RFX3: variants seen among roughly 807,000 people sequenced by gnomAD.
The protein encoded by RFX3 is transcription factor RFX3.
RFX3 carries 14 observed loss-of-function variants against 98.6 expected under a neutral mutation model. The observed-to-expected ratio is 0.14, with a 90% CI of 0.09 to 0.22. The LOEUF (loss-of-function observed/expected upper bound fraction) is 0.22. RFX3 is among the 10% of genes least tolerant of loss of function. The probability of loss-of-function intolerance (pLI) is 1.00; values close to 1 mark genes in which losing one functional copy is unlikely to be tolerated. For synonymous variants in RFX3, 383 were observed against 328.4 expected (o/e 1.17, Z -1.80); for missense variants, 639 against 926.9 (o/e 0.69, Z 4.03).
In RFX3 at chr9:3,300,007, G is replaced by T. The variant is rs201749746; in HGVS notation, c.549+1539C>A. ...TGAAACAGGTAACTGGAAACTTCAG[G>T]TTTTTTTTTTTCTTATGTCCTTGCA... On this transcript the variant is annotated intron_variant, in intron 5 of 16. Transcript: ENST00000617270. Among the ~76,000 whole-genome samples, 248 of 146,806 alleles carry T rather than the reference G, an allele frequency of 1.7e-3. 1 individual carries two copies. Among genetic ancestry groups the T allele is most frequent in the Non-Finnish European group, 3.0e-3 (198 of 66,078 alleles).
intron 1 of RFX3, among the ~76,000 whole-genome samples, chr9:3,492,587 C>T (rs536796346): frequency 6.6e-6 from 1 of 152,306 alleles, no homozygotes; most frequent in African/African-American, 2.4e-5. Flanking sequence ...AACTCTACGC[C>T]TACAGGGTAG....
chr9:3,316,127 T>A (rs1302788909), intron 4 of RFX3, among the ~76,000 whole-genome samples: 1 of 152,056 alleles, frequency 6.6e-6, no homozygotes, highest in East Asian at 1.9e-4. Context: ...AAATCCTCAA[T>A]AAAATATTGG....
At chr9:3,282,798 A>C (rs892821816) in intron 7 of RFX3, among the ~76,000 whole-genome samples, 3 of 151,834 alleles carry the variant, frequency 2.0e-5, no homozygotes, top group Non-Finnish European at 2.9e-5. Flanking sequence ...AAACAATAAC[A>C]ACAACAAAAA....
intron 4 of RFX3, among the ~76,000 whole-genome samples, chr9:3,306,022 AT>A (rs1330921915): frequency 6.6e-6 from 1 of 152,070 alleles, no homozygotes; most frequent in Non-Finnish European, 1.5e-5. Flanking sequence ...ATTAGGAAAA[AT>A]TTATAAATTC....
rs150301457 is a variant in RFX3 at position 3,504,437 on chromosome 9, T to C, written c.-9+21310A>G. 5.5e-3 allele frequency among the ~76,000 whole-genome samples: 695 copies of C among 126,246 alleles called. 22 individuals carry two copies. Among genetic ancestry groups the C allele is most frequent in the Middle Eastern group, 7.7e-3 (1 of 130 alleles). 82.8% of individuals were successfully genotyped at this position (126,246 alleles called of 152,430 possible). ...ATTATATACCACATAGTATATATTG[T>C]ATATAAAATATATATTATATGCCAT... On this transcript the variant is annotated intron_variant, in intron 1 of 16. Transcript: ENST00000617270.
chr9:3,376,999 C>T (rs540118105), intron 2 of RFX3, among the ~76,000 whole-genome samples: 119 of 152,306 alleles, frequency 7.8e-4, no homozygotes, highest in African/African-American at 2.6e-3. Flanking sequence ...GTTGGTGGGA[C>T]TGTAAGCTAG....
rs145615461 is a variant in RFX3, at chr9:3,273,780, G to A, written c.1086+1720C>T. ...CTGGGGAGGCTGAGGCAGGAGAATC[G>A]CTTGAACCCAGGAGGCGGTGGTTGC... On this transcript the variant is annotated intron_variant, in intron 9 of 16. Transcript: ENST00000617270. 7.4e-3 allele frequency among the ~76,000 whole-genome samples: 1,110 copies of A among 150,318 alleles called. 6 individuals carry two copies. Among genetic ancestry groups the A allele is most frequent in the African/African-American group, 0.026 (1,051 of 40,634 alleles).
chr9:3,442,232 A>G (rs1189658797), intron 1 of RFX3, among the ~76,000 whole-genome samples: 1 of 152,088 alleles, frequency 6.6e-6, no homozygotes, highest in East Asian at 1.9e-4. Context: ...TGACTTTACC[A>G]TAGAGTAACC....
intron 14 of RFX3, among the ~76,000 whole-genome samples, chr9:3,254,583 G>C (rs1164495487): frequency 6.6e-6 from 1 of 151,648 alleles, no homozygotes; most frequent in East Asian, 1.9e-4. Context: ...TGTCGCCCAG[G>C]CTGGAGTGCA....
chr9:3,477,114 T>G (rs1202073155), intron 1 of RFX3, among the ~76,000 whole-genome samples: 2 of 152,162 alleles, frequency 1.3e-5, no homozygotes, highest in African/African-American at 4.8e-5. Flanking sequence ...ACCAAAATTT[T>G]CATTACTTTT....
At chr9:3,250,778 A>AT in intron 14 of RFX3, among the ~76,000 whole-genome samples, 1 of 152,262 alleles carries the variant, frequency 6.6e-6, no homozygotes, top group South Asian at 2.1e-4. Context: ...TGAAGTAGAC[A>AT]TAAGTAGTAA....
intron 7 of RFX3, among the ~76,000 whole-genome samples, chr9:3,286,486 G>A (rs557894691): frequency 3.5e-4 from 53 of 151,794 alleles, no homozygotes; most frequent in African/African-American, 7.2e-4. Flanking sequence ...ACCTTGAACT[G>A]AGTCTTCAGT....
chr9:3,275,721 A>T (rs1345525796), intron 8 of RFX3, 109 bp from the exon 9 acceptor site: 2 of 571,600 alleles, frequency 3.5e-6, no homozygotes, highest in Admixed American at 6.2e-5. Flanking sequence ...TTTAAAGGTC[A>T]GGGGTCCAGA....
intron 1 of RFX3, among the ~76,000 whole-genome samples, chr9:3,427,250 A>G: frequency 6.9e-6 from 1 of 144,300 alleles, no homozygotes; most frequent in Non-Finnish European, 1.5e-5. Context: ...AATAAAATAT[A>G]TATATAATAC....
Position 3,381,279 on chromosome 9 carries a change from A to T in RFX3, c.117+14193T>A, listed in dbSNP as rs184206988. ...AGGCTTTTTGTAGAATAATTATGTT[A>T]TTAATGGTCGTAAACAGGACTGTAA... On this transcript the variant is annotated intron_variant, in intron 2 of 16. Transcript: ENST00000617270. Among the ~76,000 whole-genome samples the T allele has an allele frequency of 1.8e-3, 274 of 152,202 alleles. 1 individual carries two copies. In the South Asian group the frequency reaches 0.028, roughly 16 times the overall value.
At chr9:3,430,413 G>C (rs1844547738) in intron 1 of RFX3, among the ~76,000 whole-genome samples, 1 of 152,146 alleles carries the variant, frequency 6.6e-6, no homozygotes, top group Admixed American at 6.6e-5. Flanking sequence ...TTTAGTATCA[G>C]TTTCCTCAGA....
intron 2 of RFX3, among the ~76,000 whole-genome samples, chr9:3,382,901 T>C (rs1839338610): frequency 1.3e-5 from 2 of 152,146 alleles, no homozygotes; most frequent in African/African-American, 4.8e-5. Flanking sequence ...GCTTAGAATA[T>C]ATATGGCAAA....
Position 3,288,175 on chromosome 9 carries a change from C to G in RFX3, c.807G>C (p.Met269Ile), listed in dbSNP as rs146022525. The G allele has an allele frequency of 1.8e-4, 291 of 1,612,724 alleles. 1 individual carries two copies. Among genetic ancestry groups the G allele is most frequent in the Middle Eastern group, 8.2e-4 (5 of 6,074 alleles). Reference protein sequence around the residue: ...DSPLNRLQEDMQYMAMRQQPM... With the variant: ...DSPLNRLQEDIQYMAMRQQPM... ...GTTGTTGTCTCATAGCCATATACTG[C>G]ATGTCTTCTTGCAGACGATTAAGAG... Residue 269 changes from methionine to isoleucine, a missense_variant, in exon 7 of 17, where the codon ATG (methionine) becomes ATC (isoleucine). By Grantham distance (10) the Met-to-Ile change is conservative. Around this residue, in one of 9 missense-constraint regions of RFX3, gnomAD observed 86 missense variants for 113.2 expected, o/e 0.76. Coordinates refer to ENST00000617270, the MANE Select transcript of RFX3 (RefSeq NM_001282116.2).
intron 7 of RFX3, among the ~76,000 whole-genome samples, chr9:3,281,883 C>A (rs971501586): frequency 6.6e-6 from 1 of 151,682 alleles, no homozygotes; most frequent in Non-Finnish European, 1.5e-5. Context: ...ATATATTTAC[C>A]ATTACATTCA....
Sources: gnomAD v4.1 joint callset for allele counts (sites outside exome capture counted in the v4.1 genomes callset) on GRCh38, gnomAD v4.1.1 for gene constraint, gnomAD v4.1.1 regional missense constraint, MANE v1.5 for transcripts, NCBI Gene and HGNC (gene_info 2026-07-23, HGNC 2026-07-21) for gene names.